DSE: variants seen among roughly 807,000 people sequenced by gnomAD.
DSE encodes the protein dermatan sulfate epimerase.
DSE carries 36 observed loss-of-function variants against 84.4 expected under a neutral mutation model. That is an observed-to-expected ratio of 0.43 (90% CI 0.33 to 0.56). The LOEUF (loss-of-function observed/expected upper bound fraction) is 0.56, where lower values mean the gene tolerates loss of function less well. Ranked by LOEUF, DSE falls within the 20% of genes least tolerant of loss-of-function variation. The pLI is 0.06. For synonymous variants in DSE, 410 were observed against 430.1 expected (o/e 0.95, Z 0.58); for missense variants, 862 against 1,169.6 (o/e 0.74, Z 3.84).
In DSE at chr6:116,328,281, T is replaced by C. The variant is rs1239896467; in HGVS notation, c.-54+69314T>C. ...TTTCCAGTTATTTCACTTACTACAA[T>C]GTATACAATAAGTTCTTAGGGTGTT... On this transcript the variant is annotated intron_variant, in intron 2 of 3. Coordinates refer to the DSE transcript ENST00000430252. Among the ~76,000 whole-genome samples, 6 of 152,358 alleles carry C rather than the reference T, an allele frequency of 3.9e-5. No homozygotes were observed. The East Asian group carries it at 1.2e-3, about 29-fold the overall frequency.
chr6:116,309,632 C>A (rs1246589295), intron 2 of DSE, among the ~76,000 whole-genome samples: 2 of 152,186 alleles, frequency 1.3e-5, no homozygotes, highest in Admixed American at 1.3e-4. Context: ...ATACTTATTT[C>A]TAACAGTTCT....
At chr6:116,297,968 T>C (rs1774773199) in intron 2 of DSE, among the ~76,000 whole-genome samples, 1 of 152,190 alleles carries the variant, frequency 6.6e-6, no homozygotes, top group African/African-American at 2.4e-5. Flanking sequence ...TGGAAATTCA[T>C]TGTTAAAACT....
intron 1 of DSE, among the ~76,000 whole-genome samples, chr6:116,376,715 A>G (rs183906644): frequency 3.3e-5 from 5 of 152,364 alleles, no homozygotes; most frequent in Admixed American, 2.0e-4. Context: ...AGTAATATGT[A>G]GAAGCTATGA....
intron 2 of DSE, among the ~76,000 whole-genome samples, chr6:116,343,644 A>G (rs568369964): frequency 6.6e-6 from 1 of 152,352 alleles, no homozygotes; most frequent in East Asian, 1.9e-4. Context: ...CCATCATCAA[A>G]GACCAAGGGT....
intron 2 of DSE, among the ~76,000 whole-genome samples, chr6:116,283,526 TTTGTTGTTGTTGTTGTTG>T (rs148204266): frequency 0.013 from 1,904 of 149,348 alleles, 46 homozygotes; most frequent in African/African-American, 0.045. Flanking sequence ...GGGTAGATTC[TTTGTTGTTGTTGTTGTTG>T]TTGTTGTTGT....
intron 2 of DSE, among the ~76,000 whole-genome samples, chr6:116,269,674 TCTAA>T (rs1330131180): frequency 6.6e-6 from 1 of 152,162 alleles, no homozygotes; most frequent in African/African-American, 2.4e-5. Flanking sequence ...CCCTTTTTGC[TCTAA>T]CTAAAGTGCT....
In DSE at chr6:116,443,933, T is replaced by A. The variant is rs1784502387; in HGVS notation, c.*6588T>A. ...CATCTTGTCAGTTTTCCTTACTTTG[T>A]ACTTTTCAGTCTCTGCTGTTTACCA... On this transcript the variant is annotated 3_prime_UTR_variant, in exon 6 of 6. Transcript: ENST00000644252. The A allele has an allele frequency of 6.6e-6, 1 of 152,246 alleles. No individual in the cohort carries two copies. Among genetic ancestry groups the A allele is most frequent in the Non-Finnish European group, 1.5e-5 (1 of 68,048 alleles). 9.4% of individuals were successfully genotyped at this position (152,246 alleles called of 1,614,324 possible).
rs1376927979 is a variant in DSE, at chr6:116,335,774, CTT to C, written c.-53-63421_-53-63420del. 2.0e-5 allele frequency among the ~76,000 whole-genome samples: 3 copies of C among 152,176 alleles called. No homozygotes were observed. The East Asian group carries it at 5.8e-4, about 29-fold the overall frequency. On this transcript the variant is annotated intron_variant, in intron 2 of 3. Transcript: ENST00000430252. The stretch of plus-strand genomic sequence containing the variant: ...TGATAGCATAAGTTACTACAAGTCA[CTT>C]TTCTTGTAAGAGTTAAAACAGAGAA...
intron 2 of DSE, among the ~76,000 whole-genome samples, chr6:116,360,165 G>A (rs1778808076): frequency 6.6e-6 from 1 of 152,100 alleles, no homozygotes; most frequent in Admixed American, 6.5e-5. Flanking sequence ...AGAACACAGG[G>A]AGGAGAACAA....
chr6:116,379,729 T>A (rs1244265605), intron 1 of DSE, among the ~76,000 whole-genome samples: 1 of 152,212 alleles, frequency 6.6e-6, no homozygotes, highest in Non-Finnish European at 1.5e-5. Context: ...AGACTTCATG[T>A]GGCTTGCATA....
chr6:116,275,783 A>T (rs1395122201), intron 2 of DSE, among the ~76,000 whole-genome samples: 2 of 142,506 alleles, frequency 1.4e-5, no homozygotes, highest in Non-Finnish European at 3.0e-5. Flanking sequence ...CCTGGGCAAG[A>T]GTGGGACTCT....
At chr6:116,284,002 A>G (rs369464181) in intron 2 of DSE, among the ~76,000 whole-genome samples, 7 of 152,336 alleles carry the variant, frequency 4.6e-5, no homozygotes, top group Admixed American at 3.9e-4. Context: ...ACTTTAAAAT[A>G]TAGGATAAAT....
At chr6:116,258,543 C>G in exon 2 of DSE, 1 of 1,440,424 alleles carries the variant, frequency 6.9e-7, no homozygotes. Flanking sequence ...CGTCCTTCTT[C>G]TTAATGGCAT....
chr6:116,349,121 A>AAT (rs945608692), intron 2 of DSE, among the ~76,000 whole-genome samples: 5 of 152,108 alleles, frequency 3.3e-5, no homozygotes, highest in African/African-American at 4.8e-5. Context: ...GTATAACCAA[A>AAT]ATATATATAT....
chr6:116,310,629 ACTC>A (rs1437960483), intron 2 of DSE, among the ~76,000 whole-genome samples: 1 of 151,694 alleles, frequency 6.6e-6, no homozygotes, highest in Non-Finnish European at 1.5e-5. Context: ...TCTACCAACA[ACTC>A]CTTTTGGCTC....
At chr6:116,263,106 G>A (rs1772481897) in intron 2 of DSE, among the ~76,000 whole-genome samples, 1 of 152,170 alleles carries the variant, frequency 6.6e-6, no homozygotes, top group Non-Finnish European at 1.5e-5. Flanking sequence ...GGGGTGGAGA[G>A]TTCTGTAGAT....
intron 5 of DSE, among the ~76,000 whole-genome samples, chr6:116,435,322 T>C (rs1479039129): frequency 1.3e-5 from 2 of 152,176 alleles, no homozygotes; most frequent in Admixed American, 6.5e-5. Flanking sequence ...CAAGTGAAGA[T>C]AGTCCATGTA....
chr6:116,369,882 A>G (rs1362222270), upstream of DSE: 7 of 1,288,640 alleles, frequency 5.4e-6, no homozygotes, highest in South Asian at 8.6e-5. Context: ...GAACTCATGG[A>G]GAAAAGCACT....
upstream of DSE, chr6:116,369,907 ATC>A (rs1425457722): frequency 7.8e-7 from 1 of 1,289,340 alleles, no homozygotes; most frequent in Non-Finnish European, 1.0e-6. Context: ...CCAGTAAAAT[ATC>A]TCTCATTCTA....
Sources: gnomAD v4.1 joint callset for allele counts (sites outside exome capture counted in the v4.1 genomes callset) on GRCh38, gnomAD v4.1.1 for gene constraint, MANE v1.5 for transcripts, NCBI Gene and HGNC (gene_info 2026-07-23, HGNC 2026-07-21) for gene names.